BCAS3: variants seen among roughly 807,000 people sequenced by gnomAD.
BCAS3 encodes the protein BCAS4/BCAS3 fusion.
In BCAS3, 53 loss-of-function variants were observed where a neutral mutation model predicts 116.1. That is an observed-to-expected ratio of 0.46 (90% CI 0.37 to 0.57). BCAS3 has a LOEUF of 0.57. BCAS3 is among the 20% of genes least tolerant of loss of function. The pLI, the probability that BCAS3 is intolerant of heterozygous loss-of-function variation, is 0.00. For missense variants in BCAS3, 917 were observed against 1,165.4 expected, an observed-to-expected ratio of 0.79 and a Z score of 3.10; for synonymous variants, 391 against 408.2, an observed-to-expected ratio of 0.96 and a Z score of 0.51.
chr17:61,201,260 G>A (rs2080799278), intron 22 of BCAS3, among the ~76,000 whole-genome samples: 6 of 152,210 alleles, frequency 3.9e-5, no homozygotes, highest in Non-Finnish European at 8.8e-5. Context: ...TCCATCTCAT[G>A]GAAATCACCC....
At chr17:60,789,860 T>C (rs1362427383) in intron 6 of BCAS3, among the ~76,000 whole-genome samples, 1 of 152,214 alleles carries the variant, frequency 6.6e-6, no homozygotes, top group African/African-American at 2.4e-5. Context: ...AGAATTTTTA[T>C]GTGGACACTT....
chr17:61,330,691 C>T (rs1177360207), intron 22 of BCAS3, among the ~76,000 whole-genome samples: 2 of 152,248 alleles, frequency 1.3e-5, no homozygotes, highest in Non-Finnish European at 2.9e-5. Context: ...AAACACACAC[C>T]AGTGAGCACA....
At position 60,691,340 on chromosome 17, in the gene BCAS3, T is replaced by C. The variant is rs905461140; in HGVS notation, c.214+1579T>C. ...GTTTTCCTCAGTGAACGTACCATTT[T>C]TCATTCCCACCAACAATGTACAAGG... On this transcript the variant is annotated intron_variant, in intron 4 of 23. Transcript: ENST00000407086. Among the ~76,000 whole-genome samples, 5 of 152,156 alleles carry C rather than the reference T, an allele frequency of 3.3e-5. No homozygotes were observed. The South Asian group carries it at 1.0e-3, about 32-fold the overall frequency.
chr17:61,136,438 T>C lies in BCAS3; in HGVS notation c.2425+51874T>C, dbSNP rs1445891247. On this transcript the variant is annotated intron_variant, in intron 22 of 23. Transcript: ENST00000407086. This position sits in a 1 kb window ranked among gnomAD's most constrained non-coding sequence, Gnocchi z 4.4. ...GACTGGACAATTCTTTGTGTGCAGC[T>C]GTTTTATGCATCATATAGGATGTTT... 6.6e-6 allele frequency among the ~76,000 whole-genome samples: 1 copy of C among 152,226 alleles called. No homozygotes were observed. The highest frequency in any genetic ancestry group is 1.5e-5 in the Non-Finnish European group (1 of 68,042).
rs958585622 is a variant in BCAS3, at chr17:61,347,083, AT to A, written c.2426-21235del. On this transcript the variant is annotated intron_variant, in intron 22 of 23. Transcript: ENST00000407086. The surrounding 1 kb of genome is among the most constrained non-coding windows in gnomAD (Gnocchi z 4.3). ...AAATATTGGATTTTTGTTTTAACAAATTTTTTTTTAAGGCAGAGTCTTGCTC... is the reference window on the plus strand; with the variant it reads ...AAATATTGGATTTTTGTTTTAACAAATTTTTTTTAAGGCAGAGTCTTGCTC... Among the ~76,000 whole-genome samples, 60 of 151,810 alleles carry A rather than the reference AT, an allele frequency of 4.0e-4. No homozygotes were observed. The highest frequency in any genetic ancestry group is 7.1e-4 in the Non-Finnish European group (48 of 67,868).
intron 22 of BCAS3, among the ~76,000 whole-genome samples, chr17:61,264,674 C>T (rs899947208): frequency 1.3e-5 from 2 of 152,194 alleles, no homozygotes; most frequent in Admixed American, 1.3e-4. Flanking sequence ...TCCCGAAGTG[C>T]TGGGATTACA....
chr17:61,170,735 G>T (rs532626669), intron 22 of BCAS3, among the ~76,000 whole-genome samples: 4 of 152,196 alleles, frequency 2.6e-5, no homozygotes, highest in Non-Finnish European at 5.9e-5. Context: ...AATCCAGGTG[G>T]AGTGCAGCAG....
At chr17:60,931,203 T>A (rs1386844195) in intron 13 of BCAS3, among the ~76,000 whole-genome samples, 1 of 152,316 alleles carries the variant, frequency 6.6e-6, no homozygotes, top group African/African-American at 2.4e-5. Flanking sequence ...ATGGGCAGTG[T>A]AAATTTGTTG....
At chr17:61,296,511 C>T (rs1012101417) in intron 22 of BCAS3, among the ~76,000 whole-genome samples, 2 of 152,092 alleles carry the variant, frequency 1.3e-5, no homozygotes, top group African/African-American at 2.4e-5. Flanking sequence ...AAATAGAGCC[C>T]GAATATTGAC....
chr17:60,846,890 A>G (rs1332566019), intron 7 of BCAS3, among the ~76,000 whole-genome samples: 1 of 152,188 alleles, frequency 6.6e-6, no homozygotes, highest in Admixed American at 6.5e-5. Flanking sequence ...GCACATTTAC[A>G]ATGTTGTATC....
chr17:60,864,184 T>C (rs953114240), intron 7 of BCAS3, among the ~76,000 whole-genome samples: 1 of 152,204 alleles, frequency 6.6e-6, no homozygotes, highest in Non-Finnish European at 1.5e-5. Flanking sequence ...GCCACCTCTT[T>C]TCTATGCTTT....
At chr17:60,882,350 C>G (rs536668717) in intron 9 of BCAS3, among the ~76,000 whole-genome samples, 135 of 147,652 alleles carry the variant, frequency 9.1e-4, no homozygotes, top group Middle Eastern at 6.8e-3. Flanking sequence ...AGCCCTTTGT[C>G]AGATGAGTAG....
In BCAS3 at chr17:61,243,935, A is replaced by G. The variant is rs2047726597; in HGVS notation, c.2426-124392A>G. Among the ~76,000 whole-genome samples, 1 of 151,758 alleles carries G rather than the reference A, an allele frequency of 6.6e-6. No homozygotes were observed. Among genetic ancestry groups the G allele is most frequent in the Non-Finnish European group, 1.5e-5 (1 of 67,942 alleles). The stretch of plus-strand genomic sequence containing the variant: ...CAAGTAGCTGGGAATATCAGTGTGC[A>G]CTACCACAACCTGCTAATTTTTTAA... On this transcript the variant is annotated intron_variant, in intron 22 of 23. Transcript: ENST00000407086. The surrounding 1 kb of genome is among the most constrained non-coding windows in gnomAD (Gnocchi z 5.6).
rs192337852 is a variant in BCAS3, at chr17:61,098,375, A to T, written c.2425+13811A>T. ...AAGAGAGTGATATTATAGGATTAGAACATTGTATTTTTGGTTTTGGGTGCT... is the reference window on the plus strand; with the variant it reads ...AAGAGAGTGATATTATAGGATTAGATCATTGTATTTTTGGTTTTGGGTGCT... On this transcript the variant is annotated intron_variant, in intron 22 of 23. Transcript: ENST00000407086. This position sits in a 1 kb window ranked among gnomAD's most constrained non-coding sequence, Gnocchi z 4.2. Among the ~76,000 whole-genome samples the T allele has an allele frequency of 6.4e-4, 97 of 152,196 alleles. No individual in the cohort carries two copies. Among genetic ancestry groups the T allele is most frequent in the Non-Finnish European group, 1.1e-3 (78 of 68,044 alleles).
intron 22 of BCAS3, among the ~76,000 whole-genome samples, chr17:61,263,468 TAAG>T (rs2049400109): frequency 6.6e-6 from 1 of 152,182 alleles, no homozygotes; most frequent in Non-Finnish European, 1.5e-5. Flanking sequence ...TAGCTGAATA[TAAG>T]AAGGAGAGAC....
intron 22 of BCAS3, among the ~76,000 whole-genome samples, chr17:61,179,814 G>C: frequency 6.6e-6 from 1 of 151,800 alleles, no homozygotes; most frequent in East Asian, 1.9e-4. Flanking sequence ...AGAGAGGAGG[G>C]GATGTCTGTC....
intron 22 of BCAS3, among the ~76,000 whole-genome samples, chr17:61,252,881 A>T (rs1378460911): frequency 3.1e-4 from 43 of 137,638 alleles, no homozygotes; most frequent in East Asian, 4.3e-4. Flanking sequence ...GTTCCTATAC[A>T]TTTTTTTTTT....
chr17:60,877,740 G>A (rs1185638906), intron 9 of BCAS3, among the ~76,000 whole-genome samples: 1 of 152,180 alleles, frequency 6.6e-6, no homozygotes, highest in Non-Finnish European at 1.5e-5. Flanking sequence ...CAAGTGGCTG[G>A]AGGTCCACAG....
At chr17:60,683,864 C>A in intron 2 of BCAS3, 118 bp from the exon 3 acceptor site, 3 of 888,892 alleles carry the variant, frequency 3.4e-6, no homozygotes, top group Admixed American at 2.5e-5. Flanking sequence ...ACAAAAAAAC[C>A]CCAAAAAACA....
Sources: gnomAD v4.1 joint callset for allele counts (sites outside exome capture counted in the v4.1 genomes callset) on GRCh38, gnomAD v4.1.1 for gene constraint, Gnocchi (gnomAD v3.1) non-coding constraint, MANE v1.5 for transcripts, NCBI Gene and HGNC (gene_info 2026-07-23, HGNC 2026-07-21) for gene names.